PPP1R7: variants seen among roughly 807,000 people sequenced by gnomAD.
PPP1R7 encodes protein phosphatase 1 regulatory subunit 22.
In PPP1R7, 18 loss-of-function variants were observed where a neutral mutation model predicts 45.2. That is an observed-to-expected ratio of 0.40 (90% CI 0.28 to 0.59). The LOEUF is 0.59. Among genes scored for constraint, PPP1R7 ranks in the 20% least tolerant of loss-of-function variants. PPP1R7 has a pLI of 0.46. For synonymous variants in PPP1R7, 181 were observed against 183.4 expected (o/e 0.99, Z 0.11); for missense variants, 314 against 455.8 (o/e 0.69, Z 2.83).
intron 7 of PPP1R7, among the ~76,000 whole-genome samples, chr2:241,163,758 G>A (rs752167272): frequency 1.5e-4 from 22 of 151,126 alleles, no homozygotes; most frequent in Non-Finnish European, 7.4e-5. Flanking sequence ...CATGCACCAC[G>A]ACCTTCAGCT....
At chr2:241,160,286 C>T (rs2067555817) in intron 5 of PPP1R7, 46 bp from the exon 6 acceptor site, 1 of 1,513,736 alleles carries the variant, frequency 6.6e-7, no homozygotes, top group South Asian at 1.3e-5. Context: ...TCTATGCAAC[C>T]TATGCTCGTG....
intron 5 of PPP1R7, 69 bp downstream of exon 5, chr2:241,159,412 A>G: frequency 1.9e-6 from 3 of 1,574,146 alleles, no homozygotes; most frequent in East Asian, 2.3e-5. Flanking sequence ...TCCAGTCTCC[A>G]GAGCCAACCT....
chr2:241,150,369 A>G (rs2067229571), upstream of PPP1R7: 1 of 1,331,210 alleles, frequency 7.5e-7, no homozygotes, highest in Non-Finnish European at 9.6e-7. Flanking sequence ...CGCTGGGCCC[A>G]CGCAGGCGCG....
At position 241,153,578 on chromosome 2, in the gene PPP1R7, A is replaced by T. The variant is rs1439441704; in HGVS notation, c.155A>T (p.Glu52Val). 6.8e-6 allele frequency: 11 copies of T among 1,614,074 alleles called. No homozygotes were observed. The highest frequency in any genetic ancestry group is 9.3e-6 in the Non-Finnish European group (11 of 1,179,994). The change falls in exon 2 of 10, where the codon GAG (glutamate) becomes GTG (valine). Residue 52 changes from glutamate (E) to valine (V), a missense_variant. By Grantham distance (121) the Glu-to-Val change is moderately radical. Around this residue, in one of 3 missense-constraint regions of PPP1R7, gnomAD observed 112 missense variants for 144.5 expected, o/e 0.78. Transcript: ENST00000234038. ...AGTGAACAGAGCCTGAAGGATGGGG[A>T]GGAGCGGGGGGAGGAGGACCCAGAA... ...DLSEQSLKDGEERGEEDPEEE... is the reference protein window; with the variant it reads ...DLSEQSLKDGVERGEEDPEEE...
intron 9 of PPP1R7, among the ~76,000 whole-genome samples, chr2:241,177,358 A>G (rs1188078416): frequency 6.6e-6 from 1 of 152,208 alleles, no homozygotes; most frequent in African/African-American, 2.4e-5. Context: ...CAGAGGTTGC[A>G]GTGAGCCAAG....
Position 241,183,394 on chromosome 2 carries a change from A to T in PPP1R7, c.*571A>T. ...TGTTCCTTAGAGCTCTCCTTCAAAG[A>T]GCGCCGGGCAGGGCTGACTGTTTTC... On this transcript the variant is annotated 3_prime_UTR_variant, in exon 10 of 10. Transcript: ENST00000234038. 1 of 471,184 alleles carries T rather than the reference A, an allele frequency of 2.1e-6. No homozygotes were observed. Among genetic ancestry groups the T allele is most frequent in the South Asian group, 1.5e-5 (1 of 64,572 alleles). 29.2% of individuals were successfully genotyped at this position (471,184 alleles called of 1,614,324 possible). A position where few individuals can be genotyped will look rare whatever the true frequency, so the allele number is the denominator to read the frequency against.
At chr2:241,150,005 C>T (rs911152253), upstream of PPP1R7, 8 of 1,404,426 alleles carry the variant, frequency 5.7e-6, no homozygotes, top group South Asian at 1.5e-5. Context: ...TTGCTCTTGC[C>T]GTTCGGCCCA....
chr2:241,173,136 G>C (rs1346481264), intron 9 of PPP1R7, among the ~76,000 whole-genome samples: 1 of 151,856 alleles, frequency 6.6e-6, no homozygotes, highest in Non-Finnish European at 1.5e-5. Context: ...GCTGGGCGTG[G>C]TGGCACGTGC....
At chr2:241,153,894 A>G (rs531532581) in intron 2 of PPP1R7, among the ~76,000 whole-genome samples, 110 of 152,210 alleles carry the variant, frequency 7.2e-4, no homozygotes, top group African/African-American at 2.6e-3. Context: ...GAACCATGAC[A>G]TTGTTGGCCA....
At chr2:241,151,549 A>G (rs1419266354) in intron 1 of PPP1R7, 3 of 471,132 alleles carry the variant, frequency 6.4e-6, no homozygotes, top group East Asian at 6.9e-5. Context: ...ACTGCTGTCA[A>G]AAGGTGTGGA....
intron 1 of PPP1R7, among the ~76,000 whole-genome samples, chr2:241,152,413 A>G (rs975926471): frequency 6.6e-6 from 1 of 152,226 alleles, no homozygotes; most frequent in Non-Finnish European, 1.5e-5. Flanking sequence ...AGGGCAAGAC[A>G]AGTCACAGAG....
intron 8 of PPP1R7, among the ~76,000 whole-genome samples, chr2:241,168,780 C>T (rs541553951): frequency 6.6e-6 from 1 of 152,322 alleles, no homozygotes; most frequent in South Asian, 2.1e-4. Context: ...CAGGCCACAG[C>T]CATAGCGCTT....
At chr2:241,176,101 C>T (rs1479005641) in intron 9 of PPP1R7, among the ~76,000 whole-genome samples, 1 of 152,092 alleles carries the variant, frequency 6.6e-6, no homozygotes, top group Non-Finnish European at 1.5e-5. Flanking sequence ...TTTGTAGAGA[C>T]AAGGTCTCAC....
chr2:241,151,339 C>T (rs974873342), intron 1 of PPP1R7: 4 of 421,782 alleles, frequency 9.5e-6, no homozygotes, highest in Non-Finnish European at 1.5e-5. Context: ...CAGTCACTGC[C>T]TTATGTGAAA....
chr2:241,170,007 C>T (rs1002875314), intron 9 of PPP1R7, 140 bp downstream of exon 9: 4 of 673,218 alleles, frequency 5.9e-6, no homozygotes, highest in South Asian at 1.8e-5. Flanking sequence ...TTGGGGTGGG[C>T]GCTCTTGTAG....
At chr2:241,160,622 G>T (rs1265774333) in intron 6 of PPP1R7, 128 bp downstream of exon 6, 3 of 887,918 alleles carry the variant, frequency 3.4e-6, no homozygotes, top group Non-Finnish European at 4.9e-6. Context: ...TTTTTTTCAT[G>T]AACAAGGAAA....
chr2:241,181,135 T>C (rs2067997782), intron 9 of PPP1R7, among the ~76,000 whole-genome samples: 1 of 152,062 alleles, frequency 6.6e-6, no homozygotes, highest in Admixed American at 6.5e-5. Context: ...GAGGCGGAAG[T>C]TGCAGTGAGC....
chr2:241,159,712 A>G (rs1353965512), intron 5 of PPP1R7, among the ~76,000 whole-genome samples: 1 of 152,140 alleles, frequency 6.6e-6, no homozygotes, highest in African/African-American at 2.4e-5. Flanking sequence ...TAATTACAAA[A>G]AAAAGTGACA....
chr2:241,150,513 C>T lies in PPP1R7; in HGVS notation c.18C>T (p.Gly6=), dbSNP rs1417142329. 4.4e-6 allele frequency: 7 copies of T among 1,597,472 alleles called. No homozygotes were observed. Among genetic ancestry groups the T allele is most frequent in the Non-Finnish European group, 5.1e-6 (6 of 1,173,400 alleles). Residue 6 remains glycine, a synonymous_variant, in exon 1 of 10, where the codon GGC becomes GGT. Coordinates refer to ENST00000234038, the MANE Select transcript of PPP1R7 (RefSeq NM_002712.3). MAAER[G]AGQQQSQEMM... is the part of the protein sequence containing the mutation. ...CAGCCAACATGGCGGCGGAACGCGG[C>T]GCGGGGCAGCAACAGTCGCAGGAGA... is the stretch of plus-strand genomic sequence containing the variant.
Sources: gnomAD v4.1 joint callset for allele counts (sites outside exome capture counted in the v4.1 genomes callset) on GRCh38, gnomAD v4.1.1 for gene constraint, gnomAD v4.1.1 regional missense constraint, MANE v1.5 for transcripts, NCBI Gene and HGNC (gene_info 2026-07-23, HGNC 2026-07-21) for gene names.